The following FARS2 variants were observed in gnomAD, a reference collection of about 807,000 sequenced individuals.
The protein encoded by FARS2 is phenylalanyl-tRNA synthetase 2, mitochondrial.
Under a neutral mutation model 46.4 loss-of-function variants are expected in FARS2, and 40 were observed. The observed-to-expected ratio is 0.86, with a 90% CI of 0.67 to 1.12. FARS2 has a LOEUF of 1.12. FARS2 is among the 50% of genes most tolerant of loss of function. The pLI, the probability that FARS2 is intolerant of heterozygous loss-of-function variation, is 0.00. For synonymous variants in FARS2, 234 were observed against 214.9 expected (o/e 1.09, Z -0.78); for missense variants, 513 against 567.9 (o/e 0.90, Z 0.98).
chr6:5,622,518 G>T (rs1775826022), intron 6 of FARS2, among the ~76,000 whole-genome samples: 1 of 152,222 alleles, frequency 6.6e-6, no homozygotes. Context: ...AAATGATTAA[G>T]TCATGAGGGC....
At chr6:5,460,350 C>T (rs1765175254) in intron 4 of FARS2, among the ~76,000 whole-genome samples, 1 of 151,708 alleles carries the variant, frequency 6.6e-6, no homozygotes, top group Non-Finnish European at 1.5e-5. Flanking sequence ...ATACTGCTTC[C>T]TGTGTCTTCC....
At chr6:5,560,555 A>G (rs879144435) in intron 5 of FARS2, among the ~76,000 whole-genome samples, 3 of 152,050 alleles carry the variant, frequency 2.0e-5, no homozygotes, top group Admixed American at 1.3e-4. Flanking sequence ...TCAGGTTTTG[A>G]TGTTAAGATT....
chr6:5,542,656 A>G (rs906485936), intron 4 of FARS2, among the ~76,000 whole-genome samples: 3 of 152,210 alleles, frequency 2.0e-5, no homozygotes, highest in Admixed American at 6.5e-5. Flanking sequence ...GGTGGTTAAG[A>G]TGGCCCCCAG....
intron 4 of FARS2, among the ~76,000 whole-genome samples, chr6:5,498,801 G>A (rs566960552): frequency 2.2e-4 from 33 of 152,336 alleles, no homozygotes; most frequent in South Asian, 1.5e-3. Flanking sequence ...GAGTTAAGAC[G>A]AGGGAGCTCC....
intron 6 of FARS2, among the ~76,000 whole-genome samples, chr6:5,691,807 A>T (rs1757747189): frequency 6.6e-6 from 1 of 152,204 alleles, no homozygotes; most frequent in African/African-American, 2.4e-5. Context: ...AGAGGCAGGC[A>T]GACCTCCTTG....
intron 1 of FARS2, among the ~76,000 whole-genome samples, chr6:5,350,442 A>G (rs812757): frequency 0.15 from 22,679 of 152,200 alleles, 2,531 homozygotes; most frequent in African/African-American, 0.32. Context: ...CTATAGCGAT[A>G]GTAACGAAGG....
At chr6:5,620,198 G>A (rs1237901542) in intron 6 of FARS2, among the ~76,000 whole-genome samples, 1 of 151,946 alleles carries the variant, frequency 6.6e-6, no homozygotes, top group Non-Finnish European at 1.5e-5. Flanking sequence ...TTCCTACCGT[G>A]CACGCGCACA....
chr6:5,737,783 G>T (rs1245508325), intron 6 of FARS2, among the ~76,000 whole-genome samples: 12 of 152,114 alleles, frequency 7.9e-5, no homozygotes, highest in African/African-American at 2.4e-4. Context: ...CCGTCTATCT[G>T]TGCATTGCTG....
intron 6 of FARS2, among the ~76,000 whole-genome samples, chr6:5,672,964 A>T (rs553477323): frequency 5.9e-5 from 9 of 152,322 alleles, no homozygotes; most frequent in Admixed American, 2.0e-4. Flanking sequence ...GCCATTTGTT[A>T]GGGGAAGGTA....
chr6:5,251,980 C>G, the FARS2 span, among the ~76,000 whole-genome samples: 43,361 of 151,848 alleles, frequency 0.29, 7,767 homozygotes, highest in African/African-American at 0.51. Context: ...TTCCTAAACA[C>G]GAATCATTAT....
intron 6 of FARS2, among the ~76,000 whole-genome samples, chr6:5,734,455 C>T (rs1381482986): frequency 6.6e-6 from 1 of 152,150 alleles, no homozygotes; most frequent in Admixed American, 6.5e-5. Flanking sequence ...GGCCATGCAT[C>T]TGTGGGCACC....
At chr6:5,579,078 G>A (rs181126190) in intron 5 of FARS2, among the ~76,000 whole-genome samples, 9 of 152,214 alleles carry the variant, frequency 5.9e-5, no homozygotes, top group Admixed American at 1.3e-4. Flanking sequence ...AGCTATAAAC[G>A]TCCATGTTAG....
chr6:5,641,838 A>T (rs892791675), intron 6 of FARS2, among the ~76,000 whole-genome samples: 1 of 152,218 alleles, frequency 6.6e-6, no homozygotes, highest in Non-Finnish European at 1.5e-5. Flanking sequence ...TCTCAAGGCT[A>T]CTTCTTTAGA....
At chr6:5,577,895 G>T (rs549834581) in intron 5 of FARS2, among the ~76,000 whole-genome samples, 2 of 152,062 alleles carry the variant, frequency 1.3e-5, no homozygotes, top group East Asian at 3.9e-4. Flanking sequence ...TCTGCCTCCC[G>T]GGTTCACGCC....
intron 6 of FARS2, among the ~76,000 whole-genome samples, chr6:5,718,382 A>G (rs1208599172): frequency 6.6e-6 from 1 of 152,226 alleles, no homozygotes; most frequent in East Asian, 1.9e-4. Flanking sequence ...CTTGCTAAGT[A>G]GTTGTTGAGT....
chr6:5,286,949 C>T (rs568085364), intron 1 of FARS2, among the ~76,000 whole-genome samples: 3 of 152,354 alleles, frequency 2.0e-5, no homozygotes, highest in African/African-American at 4.8e-5. Context: ...AGCCTGACCT[C>T]ATCAGACCTA....
chr6:5,318,629 C>T (rs906597953), intron 1 of FARS2, among the ~76,000 whole-genome samples: 3 of 152,136 alleles, frequency 2.0e-5, no homozygotes, highest in Admixed American at 6.5e-5. Flanking sequence ...AACGAAAGTA[C>T]GCTGCACAGA....
At chr6:5,473,164 C>T (rs933605178) in intron 4 of FARS2, among the ~76,000 whole-genome samples, 3 of 152,070 alleles carry the variant, frequency 2.0e-5, no homozygotes, top group African/African-American at 4.8e-5. Context: ...GGTTGTGACA[C>T]GAATCAGCAC....
At chr6:5,430,461 AATC>A (rs1469140279) in intron 3 of FARS2, among the ~76,000 whole-genome samples, 2 of 152,116 alleles carry the variant, frequency 1.3e-5, no homozygotes, top group African/African-American at 4.8e-5. Context: ...TGTGCTTTTT[AATC>A]ATTCATCTGT....
Sources: gnomAD v4.1 joint callset for allele counts (sites outside exome capture counted in the v4.1 genomes callset) on GRCh38, gnomAD v4.1.1 for gene constraint, MANE v1.5 for transcripts, NCBI Gene and HGNC (gene_info 2026-07-23, HGNC 2026-07-21) for gene names.